The following CRACD variants were observed in gnomAD, a reference collection of about 807,000 sequenced individuals.
CRACD encodes the protein capping protein inhibiting regulator of actin dynamics.
CRACD carries 56 observed loss-of-function variants against 106.8 expected under a neutral mutation model. That is an observed-to-expected ratio of 0.52 (90% CI 0.42 to 0.66). The LOEUF is 0.66. CRACD is among the 30% of genes least tolerant of loss of function. The pLI, the probability that CRACD is intolerant of heterozygous loss-of-function variation, is 0.00. For synonymous variants in CRACD, 754 were observed against 670.8 expected, an observed-to-expected ratio of 1.12 and a Z score of -1.92; for missense variants, 1,730 against 1,623.2, an observed-to-expected ratio of 1.07 and a Z score of -1.13.
chr4:56,217,417 C>T (rs1248970539), intron 2 of CRACD, among the ~76,000 whole-genome samples: 1 of 137,266 alleles, frequency 7.3e-6, no homozygotes, highest in Non-Finnish European at 1.5e-5. Flanking sequence ...TGGTTCAGTC[C>T]AGAAAGGGGG....
chr4:56,139,081 A>C (rs1735106094), intron 1 of CRACD, among the ~76,000 whole-genome samples: 1 of 152,244 alleles, frequency 6.6e-6, no homozygotes, highest in South Asian at 2.1e-4. Context: ...AAATTCAACC[A>C]GAAAAGTTAT....
At chr4:56,140,169 C>G (rs1418010988) in intron 1 of CRACD, among the ~76,000 whole-genome samples, 1 of 152,146 alleles carries the variant, frequency 6.6e-6, no homozygotes, top group African/African-American at 2.4e-5. Context: ...CCCCTTTATC[C>G]CTGCATCCAC....
intron 1 of CRACD, among the ~76,000 whole-genome samples, chr4:56,114,070 A>G (rs189512194): frequency 2.0e-5 from 3 of 152,124 alleles, no homozygotes; most frequent in African/African-American, 7.2e-5. Flanking sequence ...GACTTGAACA[A>G]GTAAGGACTT....
At chr4:56,156,386 G>C (rs1735765258) in intron 1 of CRACD, among the ~76,000 whole-genome samples, 1 of 152,234 alleles carries the variant, frequency 6.6e-6, no homozygotes. Context: ...AGGTGTGTTA[G>C]AAAGAGCACA....
intron 10 of CRACD, among the ~76,000 whole-genome samples, chr4:56,325,164 G>A (rs138740927): frequency 0.01 from 1,538 of 152,016 alleles, 33 homozygotes; most frequent in African/African-American, 0.035. Flanking sequence ...GCGAAACCCC[G>A]TCTCTACTAA....
intron 10 of CRACD, among the ~76,000 whole-genome samples, chr4:56,325,858 A>G (rs7682608): frequency 0.35 from 53,002 of 152,006 alleles, 9,912 homozygotes; most frequent in Non-Finnish European, 0.43. Flanking sequence ...ACTATTAAAG[A>G]TATATTTACT....
At chr4:56,242,506 A>G (rs1360879228) in intron 2 of CRACD, among the ~76,000 whole-genome samples, 2 of 152,160 alleles carry the variant, frequency 1.3e-5, no homozygotes, top group Non-Finnish European at 2.9e-5. Context: ...GTAGCCCTGA[A>G]CTAGGATTTA....
At chr4:56,326,827 C>T (rs1746479690) in intron 10 of CRACD, among the ~76,000 whole-genome samples, 1 of 151,526 alleles carries the variant, frequency 6.6e-6, no homozygotes, top group Non-Finnish European at 1.5e-5. Flanking sequence ...GCAACCTCTG[C>T]CTGCAGGGTT....
At chr4:56,171,204 T>C (rs1736348166) in intron 1 of CRACD, among the ~76,000 whole-genome samples, 1 of 151,846 alleles carries the variant, frequency 6.6e-6, no homozygotes, top group East Asian at 1.9e-4. Context: ...ACACTGCACA[T>C]GTATAAATAT....
chr4:56,135,631 A>G (rs998384889), intron 1 of CRACD, among the ~76,000 whole-genome samples: 1 of 152,252 alleles, frequency 6.6e-6, no homozygotes, highest in Non-Finnish European at 1.5e-5. Context: ...CTACAAAGAC[A>G]GACGTCTCAT....
chr4:56,082,056 T>A (rs1198118828), intron 1 of CRACD, among the ~76,000 whole-genome samples: 2 of 152,236 alleles, frequency 1.3e-5, no homozygotes, highest in Admixed American at 1.3e-4. Flanking sequence ...GCAAAAAGTT[T>A]ATTTCGTAAG....
intron 2 of CRACD, among the ~76,000 whole-genome samples, chr4:56,236,950 A>C (rs1307580379): frequency 3.3e-5 from 5 of 152,212 alleles, no homozygotes; most frequent in Non-Finnish European, 7.3e-5. Context: ...CACTTTTTGG[A>C]GTATGAATTG....
At chr4:56,105,099 A>G (rs1324743473) in intron 1 of CRACD, among the ~76,000 whole-genome samples, 5 of 152,226 alleles carry the variant, frequency 3.3e-5, no homozygotes, top group Admixed American at 6.5e-5. Flanking sequence ...TACAGTAATT[A>G]AAAGCGTCCA....
intron 1 of CRACD, among the ~76,000 whole-genome samples, chr4:56,098,154 C>T (rs1401951699): frequency 6.6e-6 from 1 of 152,186 alleles, no homozygotes; most frequent in Non-Finnish European, 1.5e-5. Flanking sequence ...ATTGACTTGA[C>T]AAATGTGTTA....
intron 1 of CRACD, among the ~76,000 whole-genome samples, chr4:56,115,378 TCAGTTTC>T (rs1331059739): frequency 6.6e-6 from 1 of 152,234 alleles, no homozygotes; most frequent in Non-Finnish European, 1.5e-5. Flanking sequence ...CCTCTTGGTT[TCAGTTTC>T]CTCCTTTGTA....
chr4:56,128,176 A>T (rs1247143930), intron 1 of CRACD, among the ~76,000 whole-genome samples: 1 of 152,178 alleles, frequency 6.6e-6, no homozygotes, highest in Non-Finnish European at 1.5e-5. Flanking sequence ...AAGTTTTAAA[A>T]AGCTGGGAAA....
chr4:56,170,448 T>A (rs1220627318), intron 1 of CRACD, among the ~76,000 whole-genome samples: 1 of 152,156 alleles, frequency 6.6e-6, no homozygotes, highest in Non-Finnish European at 1.5e-5. Context: ...ACTTTTGGTA[T>A]AGTCATTTTA....
At chr4:56,221,201 G>A (rs1413811571) in intron 2 of CRACD, among the ~76,000 whole-genome samples, 2 of 152,268 alleles carry the variant, frequency 1.3e-5, no homozygotes, top group African/African-American at 2.4e-5. Context: ...TGATCAACCC[G>A]ACAGCCACAT....
chr4:56,191,379 CCCTCCCTCCCTT>C (rs1224704198), intron 2 of CRACD, among the ~76,000 whole-genome samples: 1 of 151,772 alleles, frequency 6.6e-6, no homozygotes, highest in South Asian at 2.1e-4. Flanking sequence ...CTTCCTCTCT[CCCTCCCTCCCTT>C]CCTCCCTCCC....
Sources: gnomAD v4.1 joint callset for allele counts (sites outside exome capture counted in the v4.1 genomes callset) on GRCh38, gnomAD v4.1.1 for gene constraint, MANE v1.5 for transcripts, NCBI Gene and HGNC (gene_info 2026-07-23, HGNC 2026-07-21) for gene names.